Variants in ARL6IP6 observed in about 807,000 individuals in gnomAD.
ARL6IP6 encodes ARF like GTPase 6 interacting protein 6.
Under a neutral mutation model 21.5 loss-of-function variants are expected in ARL6IP6, and 22 were observed. That is an observed-to-expected ratio of 1.02 (90% CI 0.73 to 1.46). The LOEUF (loss-of-function observed/expected upper bound fraction) is 1.46. ARL6IP6 is among the 40% of genes most tolerant of loss of function. The pLI, the probability that ARL6IP6 is intolerant of heterozygous loss-of-function variation, is 0.00. For synonymous variants in ARL6IP6, 164 were observed against 125.3 expected (o/e 1.31, Z -2.06); for missense variants, 388 against 299.8 (o/e 1.29, Z -2.17).
intron 2 of ARL6IP6, among the ~76,000 whole-genome samples, chr2:152,730,833 A>G (rs1700275258): frequency 6.6e-6 from 1 of 152,132 alleles, no homozygotes; most frequent in Non-Finnish European, 1.5e-5. Context: ...ACCTACCAAG[A>G]TACTGTACAC....
chr2:152,717,826 C>G, upstream of ARL6IP6: 2 of 1,132,492 alleles, frequency 1.8e-6, no homozygotes, highest in Non-Finnish European at 2.2e-6. Context: ...GTACGCCCCA[C>G]AAACCTGAGG....
chr2:152,759,069 A>T (rs1361630243), intron 3 of ARL6IP6, among the ~76,000 whole-genome samples: 1 of 152,182 alleles, frequency 6.6e-6, no homozygotes. Flanking sequence ...ATTGCAATAC[A>T]GTTAGTGGGA....
chr2:152,740,384 C>T (rs945036913), intron 3 of ARL6IP6, among the ~76,000 whole-genome samples: 1 of 152,170 alleles, frequency 6.6e-6, no homozygotes. Flanking sequence ...CAGGCATGAG[C>T]CACTGCACCC....
intron 3 of ARL6IP6, among the ~76,000 whole-genome samples, chr2:152,747,417 G>C (rs1701106096): frequency 6.6e-6 from 1 of 152,072 alleles, no homozygotes; most frequent in Non-Finnish European, 1.5e-5. Context: ...TTTTAGTTCA[G>C]GTATTAGCTC....
upstream of ARL6IP6, chr2:152,717,824 C>T (rs2106636727): frequency 1.8e-6 from 2 of 1,133,776 alleles, no homozygotes; most frequent in Non-Finnish European, 1.1e-6. Context: ...ACGTACGCCC[C>T]ACAAACCTGA....
At chr2:152,718,499 C>T (rs1173616842), upstream of ARL6IP6, 5 of 1,366,268 alleles carry the variant, frequency 3.7e-6, no homozygotes, top group African/African-American at 4.5e-5. Flanking sequence ...CCCTTGCTCT[C>T]CGTGGTTTAC....
chr2:152,736,052 A>G (rs1051126376), intron 3 of ARL6IP6, among the ~76,000 whole-genome samples: 1 of 152,212 alleles, frequency 6.6e-6, no homozygotes, highest in Admixed American at 6.5e-5. Context: ...ATATATGTGT[A>G]TTATGTATAT....
chr2:152,750,614 T>G (rs1009946926), intron 3 of ARL6IP6, among the ~76,000 whole-genome samples: 1 of 144,182 alleles, frequency 6.9e-6, no homozygotes, highest in Non-Finnish European at 1.5e-5. Context: ...AAGTTGGAGT[T>G]CCACTTCTGG....
At chr2:152,758,020 G>T (rs1701666079) in intron 3 of ARL6IP6, among the ~76,000 whole-genome samples, 1 of 152,156 alleles carries the variant, frequency 6.6e-6, no homozygotes, top group African/African-American at 2.4e-5. Context: ...ACCTTTTGAT[G>T]ATTAACTTTA....
At position 152,762,099 on chromosome 2, in the gene ARL6IP6, G is replaced by A. The variant is rs1701870550; in HGVS notation, c.*2259G>A. ...TAGGCAAGGATAGTCACCTAACTCT[G>A]GCTGAGCTAATCCTAATCTCATTTT... is the stretch of plus-strand genomic sequence containing the variant. On this transcript the variant is annotated 3_prime_UTR_variant, in exon 4 of 4. Transcript: ENST00000326446. 6.6e-6 allele frequency among the ~76,000 whole-genome samples: 1 copy of A among 151,958 alleles called. No individual in the cohort carries two copies. Among genetic ancestry groups the A allele is most frequent in the Non-Finnish European group, 1.5e-5 (1 of 68,008 alleles).
intron 1 of ARL6IP6, 150 bp from the exon 2 acceptor site, chr2:152,720,383 C>G: frequency 1.4e-6 from 1 of 719,446 alleles, no homozygotes. Context: ...TGCTGAAGGT[C>G]ACATAGCTGG....
intron 3 of ARL6IP6, among the ~76,000 whole-genome samples, chr2:152,746,035 A>C: frequency 1.4e-5 from 1 of 73,586 alleles, no homozygotes; most frequent in Non-Finnish European, 2.6e-5. Flanking sequence ...TTTTTTTTTT[A>C]AAGACAGGTT....
intron 3 of ARL6IP6, among the ~76,000 whole-genome samples, chr2:152,741,969 G>A (rs1006755582): frequency 3.3e-5 from 5 of 152,128 alleles, no homozygotes; most frequent in African/African-American, 1.2e-4. Flanking sequence ...AGAGGCAGAG[G>A]CAGTAAGTTT....
intron 2 of ARL6IP6, among the ~76,000 whole-genome samples, chr2:152,731,394 C>A (rs1423086511): frequency 6.6e-6 from 1 of 152,164 alleles, no homozygotes; most frequent in African/African-American, 2.4e-5. Flanking sequence ...TTTTTACCTG[C>A]TTCTTGCTAA....
rs1574064683 is a variant in ARL6IP6 at position 152,750,935 on chromosome 2, C to T, written c.588-8812C>T. On this transcript the variant is annotated intron_variant, in intron 3 of 3. Transcript: ENST00000326446. ...CAAATAATAATTGTAGTAACATCTC[C>T]ACAAATAGTCATGCCATTTTCAAAA... Among the ~76,000 whole-genome samples, 3 of 152,272 alleles carry T rather than the reference C, an allele frequency of 2.0e-5. No homozygotes were observed. The East Asian group carries it at 5.8e-4, about 29-fold the overall frequency.
upstream of ARL6IP6, chr2:152,717,955 G>A: frequency 3.0e-6 from 3 of 1,008,436 alleles, no homozygotes; most frequent in Non-Finnish European, 3.6e-6. Flanking sequence ...AAGGCGAAAG[G>A]AGGGGTTCGG....
chr2:152,761,655 T>C lies in ARL6IP6; in HGVS notation c.*1815T>C, dbSNP rs11901227. ...TTATACTGCTGCATTTTTTACTTTA[T>C]TTTTTCTCTGTTTAGATACACAAAT... On this transcript the variant is annotated 3_prime_UTR_variant, in exon 4 of 4. Coordinates refer to ENST00000326446, the MANE Select transcript of ARL6IP6 (RefSeq NM_152522.7). Among the ~76,000 whole-genome samples the C allele has an allele frequency of 0.82, 124,627 of 152,168 alleles. 51,224 individuals are homozygous for C. The highest frequency in any genetic ancestry group is 0.99 in the East Asian group (5,108 of 5,178).
At position 152,735,129 on chromosome 2, in the gene ARL6IP6, A is replaced by G; in HGVS notation, c.587+3A>G. On this transcript the variant is annotated splice_donor_region_variant and intron_variant, in intron 3 of 3. Coordinates refer to ENST00000326446, the MANE Select transcript of ARL6IP6 (RefSeq NM_152522.7). ...CCTCTTTCACCTGCCAGGTTCAAGT[A>G]AGTATTCCTGTTTCCTGTTTCTTTT... 6.2e-7 allele frequency: 1 copy of G among 1,613,374 alleles called. No homozygotes were observed. The highest frequency in any genetic ancestry group is 8.5e-7 in the Non-Finnish European group (1 of 1,179,536).
intron 3 of ARL6IP6, among the ~76,000 whole-genome samples, chr2:152,749,336 C>CACAT (rs1553533297): frequency 1.3e-5 from 2 of 149,332 alleles, no homozygotes; most frequent in African/African-American, 2.5e-5. Context: ...CACACACACA[C>CACAT]GCACGCACGC....
Sources: gnomAD v4.1 joint callset for allele counts (sites outside exome capture counted in the v4.1 genomes callset) on GRCh38, gnomAD v4.1.1 for gene constraint, MANE v1.5 for transcripts, NCBI Gene and HGNC (gene_info 2026-07-23, HGNC 2026-07-21) for gene names.